Variants in PPFIA2 observed in about 807,000 individuals in gnomAD.
PPFIA2 encodes PPFI scaffold protein A2, also known as liprin-alpha-2.
Under a neutral mutation model 175.5 loss-of-function variants are expected in PPFIA2, and 46 were observed. That is an observed-to-expected ratio of 0.26 (90% CI 0.21 to 0.34). PPFIA2 has a LOEUF of 0.34. Ranked by LOEUF, PPFIA2 falls within the 10% of genes least tolerant of loss-of-function variation. The probability of loss-of-function intolerance (pLI) is 1.00; values close to 1 mark genes in which losing one functional copy is unlikely to be tolerated. For missense variants in PPFIA2, 1,179 were observed against 1,506.1 expected (o/e 0.78, Z 3.60); for synonymous variants, 568 against 511.4 (o/e 1.11, Z -1.49).
At position 81,277,428 on chromosome 12, in the gene PPFIA2, T is replaced by TAA. The variant is rs751621027; in HGVS notation, c.3213-16_3213-15dup. ...TGTAAACTTGTTCTTTTTTTTTTAT[T>TAA]AAAAAAAAAAAAACACAGTGAGTCT... On this transcript the variant is annotated splice_polypyrimidine_tract_variant and intron_variant, in intron 27 of 32. Transcript: ENST00000549396. The TAA allele has an allele frequency of 9.6e-4, 1,109 of 1,153,546 alleles. No individual in the cohort carries two copies. The highest frequency in any genetic ancestry group is 2.8e-3 in the South Asian group (161 of 57,030). The allele number at this position is 1,153,546 out of a possible 1,614,324, so 71.5% of individuals were successfully genotyped here.
chr12:81,631,541 A>G (rs2063386319), intron 4 of PPFIA2, among the ~76,000 whole-genome samples: 1 of 152,234 alleles, frequency 6.6e-6, no homozygotes, highest in Admixed American at 6.5e-5. Flanking sequence ...TTATATAGAA[A>G]TACAGAGAAA....
chr12:81,376,950 TTTTC>T (rs2036513121), intron 9 of PPFIA2, among the ~76,000 whole-genome samples: 1 of 152,142 alleles, frequency 6.6e-6, no homozygotes, highest in Non-Finnish European at 1.5e-5. Flanking sequence ...TTTCTTCCAA[TTTTC>T]TTTCTTTTTT....
At chr12:81,686,940 T>G (rs1359440354) in intron 3 of PPFIA2, among the ~76,000 whole-genome samples, 1 of 152,022 alleles carries the variant, frequency 6.6e-6, no homozygotes, top group East Asian at 1.9e-4. Flanking sequence ...TCATATCATC[T>G]TTTCTTCCAA....
intron 4 of PPFIA2, among the ~76,000 whole-genome samples, chr12:81,508,765 TC>T (rs1397602840): frequency 1.8e-5 from 1 of 54,428 alleles, no homozygotes; most frequent in Non-Finnish European, 3.3e-5. Context: ...CCCTCCCCCC[TC>T]CCCCCACCCC....
chr12:81,422,277 A>T (rs73356657), intron 7 of PPFIA2, among the ~76,000 whole-genome samples: 5,797 of 151,760 alleles, frequency 0.038, 367 homozygotes, highest in African/African-American at 0.13. Context: ...AATTGTGTCT[A>T]TATTATTGGA....
rs2034412382 is a variant in PPFIA2, at chr12:81,258,371, G to A, written c.*1323C>T. ...AGACATCAAAACAAATGTAATGTAC[G>A]TGCAAACATAGCAAATTAAAATACA... On this transcript the variant is annotated 3_prime_UTR_variant, in exon 33 of 33. Transcript: ENST00000549396. The A allele has an allele frequency of 6.6e-6, 1 of 152,040 alleles. No individual in the cohort carries two copies. The highest frequency in any genetic ancestry group is 1.5e-5 in the Non-Finnish European group (1 of 68,004). The allele number at this position is 152,040 out of a possible 1,614,324, so 9.4% of individuals were successfully genotyped here.
chr12:81,688,148 T>C (rs1262382713), intron 3 of PPFIA2, among the ~76,000 whole-genome samples: 1 of 152,034 alleles, frequency 6.6e-6, no homozygotes, highest in Non-Finnish European at 1.5e-5. Flanking sequence ...ATTATTTTCA[T>C]TCTTCCTAAT....
intron 25 of PPFIA2, among the ~76,000 whole-genome samples, chr12:81,283,671 A>G (rs1019216117): frequency 2.0e-5 from 3 of 152,108 alleles, no homozygotes; most frequent in African/African-American, 7.2e-5. Context: ...GATATGCCCA[A>G]CTTTGTTACT....
chr12:81,456,494 G>C (rs1010255089), intron 5 of PPFIA2, among the ~76,000 whole-genome samples: 1 of 152,110 alleles, frequency 6.6e-6, no homozygotes, highest in African/African-American at 2.4e-5. Context: ...AAAGGCACAA[G>C]CTCCCAGTTA....
At chr12:81,438,687 C>T (rs1176884097) in intron 7 of PPFIA2, among the ~76,000 whole-genome samples, 1 of 151,680 alleles carries the variant, frequency 6.6e-6, no homozygotes. Flanking sequence ...TTTTATTGAT[C>T]CATAATAGAT....
At chr12:81,669,210 T>A (rs181094658) in intron 4 of PPFIA2, among the ~76,000 whole-genome samples, 1 of 152,022 alleles carries the variant, frequency 6.6e-6, no homozygotes, top group Non-Finnish European at 1.5e-5. Flanking sequence ...TTTTGTAAGT[T>A]TTTTTTCATT....
intron 18 of PPFIA2, among the ~76,000 whole-genome samples, chr12:81,346,305 T>C (rs2059060344): frequency 6.6e-6 from 1 of 151,930 alleles, no homozygotes; most frequent in African/African-American, 2.4e-5. Context: ...GCTCCATTTA[T>C]TAGCTGTGTT....
chr12:81,605,064 A>G (rs1047262100), intron 4 of PPFIA2, among the ~76,000 whole-genome samples: 2 of 151,784 alleles, frequency 1.3e-5, no homozygotes, highest in Non-Finnish European at 2.9e-5. Context: ...AAATACTTAG[A>G]GCCTATGCTT....
chr12:81,366,630 C>A (rs906198485), intron 14 of PPFIA2, among the ~76,000 whole-genome samples: 5 of 151,698 alleles, frequency 3.3e-5, no homozygotes, highest in African/African-American at 1.2e-4. Flanking sequence ...TGTGTTCTCT[C>A]TCCTCAGTTA....
chr12:81,634,007 G>A (rs2063704230), intron 4 of PPFIA2, among the ~76,000 whole-genome samples: 1 of 151,996 alleles, frequency 6.6e-6, no homozygotes, highest in African/African-American at 2.4e-5. Flanking sequence ...GTGTTAAACT[G>A]GTGTTAACTT....
intron 8 of PPFIA2, among the ~76,000 whole-genome samples, chr12:81,388,242 C>T (rs191345991): frequency 2.4e-4 from 36 of 152,200 alleles, no homozygotes; most frequent in African/African-American, 7.9e-4. Flanking sequence ...TTCAAACACA[C>T]TTCTTAAAAA....
intron 27 of PPFIA2, 67 bp downstream of exon 27, chr12:81,281,190 T>G: frequency 8.1e-7 from 1 of 1,237,490 alleles, no homozygotes; most frequent in Non-Finnish European, 1.1e-6. Context: ...TTTGTTTTAC[T>G]AAAGTATAGG....
At chr12:81,345,150 T>C (rs1429642258) in intron 18 of PPFIA2, among the ~76,000 whole-genome samples, 3 of 152,140 alleles carry the variant, frequency 2.0e-5, no homozygotes, top group African/African-American at 7.2e-5. Flanking sequence ...TGGGCAGATG[T>C]GCTGTTCCTG....
intron 22 of PPFIA2, among the ~76,000 whole-genome samples, chr12:81,309,661 A>T (rs1019529293): frequency 2.0e-5 from 3 of 152,090 alleles, no homozygotes; most frequent in African/African-American, 7.2e-5. Context: ...TAGGCTGTTT[A>T]GATTTCAAAT....
Sources: allele counts gnomAD v4.1 joint callset (sites outside exome capture counted in the v4.1 genomes callset), GRCh38; gene constraint gnomAD v4.1.1; transcripts MANE v1.5; gene names NCBI Gene and HGNC (gene_info 2026-07-23, HGNC 2026-07-21).